The following LINGO2 variants were observed in gnomAD, a reference collection of about 807,000 sequenced individuals.
LINGO2 encodes leucine rich repeat and Ig domain containing 2.
A neutral mutation model predicts 30.6 loss-of-function variants in LINGO2; 14 were observed. That is an observed-to-expected ratio of 0.46 (90% CI 0.30 to 0.72). The LOEUF is 0.72. LINGO2 is among the 30% of genes least tolerant of loss of function. LINGO2 has a pLI of 0.07. For missense variants in LINGO2, 729 were observed against 751.7 expected (o/e 0.97, Z 0.35); for synonymous variants, 317 against 288.5 (o/e 1.10, Z -1.00).
the LINGO2 span, among the ~76,000 whole-genome samples, chr9:28,967,032 G>T: frequency 6.6e-6 from 1 of 152,072 alleles, no homozygotes; most frequent in African/African-American, 2.4e-5. Context: ...TGGAAAAGAA[G>T]AAATGAGGCA....
chr9:29,129,465 G>A, the LINGO2 span, among the ~76,000 whole-genome samples: 4 of 152,086 alleles, frequency 2.6e-5, no homozygotes, highest in Admixed American at 2.6e-4. Context: ...TTATGATATG[G>A]GGAAATATGT....
intron 4 of LINGO2, among the ~76,000 whole-genome samples, chr9:28,278,169 G>GA (rs1823195992): frequency 6.6e-6 from 1 of 152,058 alleles, no homozygotes; most frequent in South Asian, 2.1e-4. Flanking sequence ...AAAGCTGCAG[G>GA]AAAAAAAAGT....
chr9:28,410,213 T>C (rs1822707892), intron 2 of LINGO2, among the ~76,000 whole-genome samples: 1 of 152,024 alleles, frequency 6.6e-6, no homozygotes, highest in Non-Finnish European at 1.5e-5. Context: ...ATAGAGGTTA[T>C]AATTTGATTC....
At chr9:29,178,606 G>A in the LINGO2 span, among the ~76,000 whole-genome samples, 1 of 152,054 alleles carries the variant, frequency 6.6e-6, no homozygotes. Flanking sequence ...AACTTCCACT[G>A]TTGAACACAC....
At chr9:28,474,648 C>A (rs1392745738) in intron 2 of LINGO2, among the ~76,000 whole-genome samples, 1 of 152,144 alleles carries the variant, frequency 6.6e-6, no homozygotes, top group Non-Finnish European at 1.5e-5. Flanking sequence ...TTGGACCATA[C>A]AACAGGTTTG....
the LINGO2 span, among the ~76,000 whole-genome samples, chr9:29,014,898 C>G: frequency 1.3e-5 from 2 of 152,098 alleles, no homozygotes; most frequent in African/African-American, 4.8e-5. Flanking sequence ...AGTCAACAAT[C>G]TTTCTGACAT....
intron 1 of LINGO2, among the ~76,000 whole-genome samples, chr9:28,619,119 A>G (rs1826277366): frequency 6.6e-6 from 1 of 152,164 alleles, no homozygotes; most frequent in Admixed American, 6.5e-5. Flanking sequence ...ACTTTTTTCC[A>G]GTGGAAATTA....
At chr9:28,844,888 T>C in the LINGO2 span, among the ~76,000 whole-genome samples, 1 of 151,946 alleles carries the variant, frequency 6.6e-6, no homozygotes, top group East Asian at 1.9e-4. Context: ...AATCACTGAG[T>C]TTGTGACAGA....
In LINGO2 at chr9:28,362,193, A is replaced by T. The variant is rs188424115; in HGVS notation, c.-246+10643T>A. On this transcript the variant is annotated intron_variant, in intron 3 of 5. Transcript: ENST00000379992. Reference sequence around the variant, plus strand: ...CAAACTAGGTTTATCATTTCCCTTTAATGGTGTAAATTGTGTGTGTATGTG... The same window carrying T: ...CAAACTAGGTTTATCATTTCCCTTTTATGGTGTAAATTGTGTGTGTATGTG... Among the ~76,000 whole-genome samples, 452 of 149,026 alleles carry T rather than the reference A, an allele frequency of 3.0e-3. 3 individuals are homozygous for T. The highest frequency in any genetic ancestry group is 2.9e-3 in the Non-Finnish European group (195 of 67,256).
At chr9:28,593,639 A>C (rs566746387) in intron 1 of LINGO2, among the ~76,000 whole-genome samples, 1 of 152,202 alleles carries the variant, frequency 6.6e-6, no homozygotes, top group East Asian at 1.9e-4. Flanking sequence ...CCAAGCCCCA[A>C]AGAAAATGTA....
chr9:28,028,253 G>A (rs1300972478), intron 4 of LINGO2, among the ~76,000 whole-genome samples: 3 of 152,156 alleles, frequency 2.0e-5, no homozygotes, highest in African/African-American at 7.2e-5. Context: ...CAGGTTGGTA[G>A]ACTTTTAACA....
At chr9:29,005,565 T>A in the LINGO2 span, among the ~76,000 whole-genome samples, 3 of 151,948 alleles carry the variant, frequency 2.0e-5, no homozygotes, top group Admixed American at 1.3e-4. Flanking sequence ...AAATTAAAAA[T>A]AAAAACATAA....
intron 1 of LINGO2, among the ~76,000 whole-genome samples, chr9:28,505,501 G>A (rs955841921): frequency 2.0e-5 from 3 of 151,810 alleles, no homozygotes; most frequent in African/African-American, 4.8e-5. Context: ...ATTTGTGACC[G>A]ATGATACATT....
chr9:27,940,127 TC>T, the LINGO2 span: 1 of 152,154 alleles, frequency 6.6e-6, no homozygotes, highest in Non-Finnish European at 1.5e-5. Context: ...ACCTGCCTTA[TC>T]TTTTTTTATT....
At position 28,294,153 on chromosome 9, in the gene LINGO2, G is replaced by C. The variant is rs549387897; in HGVS notation, c.-87+1055C>G. Among the ~76,000 whole-genome samples, 230 of 152,244 alleles carry C rather than the reference G, an allele frequency of 1.5e-3. 2 individuals carry two copies. Among genetic ancestry groups the C allele is most frequent in the African/African-American group, 5.4e-3 (223 of 41,560 alleles). On this transcript the variant is annotated intron_variant, in intron 4 of 5. Transcript: ENST00000379992. ...AGTCATTAGGGAATTGAAAGTTAAT[G>C]TTTATTAAACTTTAAAAGATTGTTT...
intron 2 of LINGO2, among the ~76,000 whole-genome samples, chr9:28,433,943 C>CTATATA (rs1220018056): frequency 2.0e-5 from 1 of 50,830 alleles, no homozygotes; most frequent in African/African-American, 5.1e-5. Context: ...CTCTCTCTCT[C>CTATATA]TCTCTCTATA....
chr9:28,732,510 G>A, the LINGO2 span, among the ~76,000 whole-genome samples: 4 of 151,860 alleles, frequency 2.6e-5, no homozygotes, highest in Non-Finnish European at 4.4e-5. Flanking sequence ...AATAGAATAC[G>A]ATAAAATTGA....
At chr9:29,186,577 G>A in the LINGO2 span, among the ~76,000 whole-genome samples, 1 of 152,072 alleles carries the variant, frequency 6.6e-6, no homozygotes, top group African/African-American at 2.4e-5. Context: ...CTAGCCATCA[G>A]AATAATACTT....
At chr9:28,181,324 G>A (rs1828905204) in intron 4 of LINGO2, among the ~76,000 whole-genome samples, 1 of 152,202 alleles carries the variant, frequency 6.6e-6, no homozygotes, top group Non-Finnish European at 1.5e-5. Context: ...TATGAACAAT[G>A]TTTGGAGGAT....
Sources: allele counts gnomAD v4.1 joint callset (sites outside exome capture counted in the v4.1 genomes callset), GRCh38; gene constraint gnomAD v4.1.1; transcripts MANE v1.5; gene names NCBI Gene and HGNC (gene_info 2026-07-23, HGNC 2026-07-21).